Variants in DHX37 observed in about 807,000 individuals in gnomAD.
The protein encoded by DHX37 is DEAH-box helicase 37, also known as probable ATP-dependent RNA helicase DHX37.
A neutral mutation model predicts 134.3 loss-of-function variants in DHX37; 52 were observed. That is an observed-to-expected ratio of 0.39 (90% CI 0.31 to 0.49). The LOEUF (loss-of-function observed/expected upper bound fraction) is 0.49, where lower values mean the gene tolerates loss of function less well. Ranked by LOEUF, DHX37 falls within the 20% of genes least tolerant of loss-of-function variation. DHX37 has a pLI of 0.93. For missense variants in DHX37, 1,344 were observed against 1,580.8 expected (o/e 0.85, Z 2.54); for synonymous variants, 634 against 670.7 (o/e 0.95, Z 0.85).
chr12:124,952,416 C>T lies in DHX37; in HGVS notation c.2850G>A (p.Lys950=). 1 of 1,610,212 alleles carries T rather than the reference C, an allele frequency of 6.2e-7. No homozygotes were observed. Among genetic ancestry groups the T allele is most frequent in the Non-Finnish European group, 8.5e-7 (1 of 1,179,510 alleles). ...RVQSEEMLED[K]WRNAYKTPLL... is the part of the protein sequence containing the mutation. ...GCCGCACCTTGTAGGCGTTCCTCCA[C>T]TTGTCCTCCAGCATCTCCTCGCTCT... The change falls in exon 21 of 27, where the codon AAG becomes AAA. Residue 950 remains lysine (K), a synonymous_variant. Transcript: ENST00000308736.
At position 124,948,127 on chromosome 12, in the gene DHX37, G is replaced by A. The variant is rs1010234139; in HGVS notation, c.3345C>T (p.Asp1115=). 5 of 1,614,132 alleles carry A rather than the reference G, an allele frequency of 3.1e-6. No homozygotes were observed. Among genetic ancestry groups the A allele is most frequent in the South Asian group, 1.1e-5 (1 of 91,096 alleles). ...LLRALVAEKA[D]CHEALLAAWK... Reference sequence around the variant, plus strand: ...AAGCAGCCAGCAAGGCTTCATGGCAGTCAGCCTTCTCTGCAACCAGGGCTC... The same window carrying A: ...AAGCAGCCAGCAAGGCTTCATGGCAATCAGCCTTCTCTGCAACCAGGGCTC... The change falls in exon 26 of 27, where the codon GAC becomes GAT. Residue 1115 remains aspartate, a synonymous_variant. Coordinates refer to ENST00000308736, the MANE Select transcript of DHX37 (RefSeq NM_032656.4).
rs187416235 is a variant in DHX37 at position 124,960,735 on chromosome 12, C to G, written c.2046-312G>C. On this transcript the variant is annotated intron_variant, in intron 15 of 26. Transcript: ENST00000308736. Reference sequence around the variant, plus strand: ...TTGGAAGGCTGGGGTGGGTGGATCACTTGAGGTCAGGAGTTCAAGACCAGC... The same window carrying G: ...TTGGAAGGCTGGGGTGGGTGGATCAGTTGAGGTCAGGAGTTCAAGACCAGC... Among the ~76,000 whole-genome samples the G allele has an allele frequency of 2.1e-3, 318 of 152,346 alleles. 1 individual carries two copies. Among genetic ancestry groups the G allele is most frequent in the East Asian group, 1.2e-3 (6 of 5,184 alleles).
chr12:124,966,914 T>A (rs1424651303), intron 11 of DHX37, 36 bp from the exon 12 acceptor site: 1 of 1,613,292 alleles, frequency 6.2e-7, no homozygotes, highest in Non-Finnish European at 8.5e-7. Context: ...AAGGCGTCTG[T>A]GGCCGGCGTG....
Position 124,980,698 on chromosome 12 carries a change from G to A in DHX37, c.530C>T (p.Ser177Leu), listed in dbSNP as rs772470904. The change falls in exon 4 of 27, where the codon TCG becomes TTG. Residue 177 changes from serine to leucine, a missense_variant. Physicochemically the swap from Ser to Leu is moderately radical, Grantham distance 145. This residue lies in a region of DHX37 where 319 missense variants were observed against 296.1 expected (regional missense o/e 1.08). Transcript: ENST00000308736. This position sits in a 1 kb window ranked among gnomAD's most constrained non-coding sequence, Gnocchi z 5.3. Reference protein sequence around the residue: ...EESESELEEESELDEDPAAEP... With the variant: ...EESESELEEELELDEDPAAEP... ...AGCAGCTGGGTCCTCGTCCAGCTCC[G>A]ACTCCTCCTCCAGCTCCGATTCCGA... The A allele has an allele frequency of 2.2e-5, 34 of 1,574,318 alleles. No homozygotes were observed. The highest frequency in any genetic ancestry group is 7.0e-5 in the East Asian group (3 of 42,562).
intron 13 of DHX37, among the ~76,000 whole-genome samples, 162 bp downstream of exon 13, chr12:124,965,506 C>T (rs1336899294): frequency 6.6e-6 from 1 of 152,222 alleles, no homozygotes; most frequent in Non-Finnish European, 1.5e-5. Flanking sequence ...TTCAACATGG[C>T]AAATGTTTGA....
rs770672674 is a variant in DHX37 at position 124,954,096 on chromosome 12, C to T, written c.2569G>A (p.Val857Met). The change falls in exon 19 of 27, where the codon GTG (valine) becomes ATG (methionine). Residue 857 changes from valine to methionine, a missense_variant. Val to Met is a conservative substitution (Grantham distance 21, BLOSUM62 1). Coordinates refer to ENST00000308736, the MANE Select transcript of DHX37 (RefSeq NM_032656.4). ...CGGGCAGGGCACAAACCCAGCAGCA[C>T]CATGAGGTCGCCGAGCTTCAGAGAA... ...GASLKLGDLM[V>M]LLGAVGACEY... 6.2e-7 allele frequency: 1 copy of T among 1,609,366 alleles called. No homozygotes were observed. Among genetic ancestry groups the T allele is most frequent in the East Asian group, 2.2e-5 (1 of 44,824 alleles).
chr12:124,972,492 C>A lies in DHX37; in HGVS notation c.1077+11G>T, dbSNP rs181309414. ...CTGGCCTTGCTCTGTGAGCCAGGAT[C>A]CACAACCAACCTTCTGGATTTCTTT... On this transcript the variant is annotated intron_variant, in intron 7 of 26. Coordinates refer to ENST00000308736, the MANE Select transcript of DHX37 (RefSeq NM_032656.4). The A allele has an allele frequency of 6.2e-7, 1 of 1,614,074 alleles. No homozygotes were observed.
At chr12:124,964,749 C>T (rs990050983) in intron 14 of DHX37, 123 bp from the exon 15 acceptor site, 7 of 1,496,286 alleles carry the variant, frequency 4.7e-6, no homozygotes, top group East Asian at 2.4e-5. Context: ...CAAGCCATCC[C>T]ATCTGGGGCC....
chr12:124,966,975 G>C, intron 11 of DHX37, 97 bp from the exon 12 acceptor site: 1 of 1,560,184 alleles, frequency 6.4e-7, no homozygotes, highest in Non-Finnish European at 8.8e-7. Context: ...CTCAGTGGTG[G>C]CCATTTATTC....
chr12:124,947,841 G>A lies in DHX37; in HGVS notation c.3435C>T (p.Pro1145=), dbSNP rs200687807. ...TGGGGGGCCAGGCTTTCTCGATATC[G>A]GGGTGCATGGCCTGTGGAAGCCACT... ...YCEWLPQAMH[P]DIEKAWPPTT... Residue 1145 remains proline, a synonymous_variant, in exon 27 of 27, where the codon CCC becomes CCT. Transcript: ENST00000308736. 32 of 1,605,124 alleles carry A rather than the reference G, an allele frequency of 2.0e-5. No homozygotes were observed. The highest frequency in any genetic ancestry group is 3.4e-5 in the Admixed American group (2 of 59,254).
chr12:124,975,971 T>G (rs1446273991), intron 5 of DHX37, among the ~76,000 whole-genome samples: 1 of 152,196 alleles, frequency 6.6e-6, no homozygotes, highest in Non-Finnish European at 1.5e-5. Flanking sequence ...TCCCTGTAAG[T>G]GCGGGGCCCA....
intron 15 of DHX37, 106 bp from the exon 16 acceptor site, chr12:124,960,529 A>G: frequency 6.6e-7 from 1 of 1,506,596 alleles, no homozygotes; most frequent in Non-Finnish European, 8.9e-7. Flanking sequence ...AAACTCAGTC[A>G]TGCCACTGGG....
chr12:124,946,834 AG>A lies in DHX37; in HGVS notation c.*967del, dbSNP rs942132740. The A allele has an allele frequency of 2.4e-4, 37 of 152,380 alleles. No individual in the cohort carries two copies. The highest frequency in any genetic ancestry group is 8.7e-4 in the African/African-American group (36 of 41,588). The allele number at this position is 152,380 out of a possible 1,614,324, so 9.4% of individuals were successfully genotyped here. A position where few individuals can be genotyped will look rare whatever the true frequency, so the allele number is the denominator to read the frequency against. On this transcript the variant is annotated 3_prime_UTR_variant, in exon 27 of 27. Transcript: ENST00000308736. ...CATTCCACAACACAATCTGGGTGCAAGGAACATTTTATTCCATAACTGTCTC... is the reference window on the plus strand; with the variant it reads ...CATTCCACAACACAATCTGGGTGCAAGAACATTTTATTCCATAACTGTCTC...
At chr12:124,984,978 C>T (rs374204712) in intron 2 of DHX37, among the ~76,000 whole-genome samples, 4 of 152,070 alleles carry the variant, frequency 2.6e-5, no homozygotes, top group South Asian at 2.1e-4. Context: ...AAGAGACACA[C>T]GGAGGAAAGG....
At chr12:124,979,315 G>A (rs1403248802) in intron 4 of DHX37, among the ~76,000 whole-genome samples, 1 of 152,204 alleles carries the variant, frequency 6.6e-6, no homozygotes, top group Non-Finnish European at 1.5e-5. Context: ...GTTGCAGTCA[G>A]CTGAGATCAA....
chr12:124,972,377 A>T, intron 7 of DHX37, 126 bp downstream of exon 7: 1 of 935,112 alleles, frequency 1.1e-6, no homozygotes, highest in Non-Finnish European at 1.7e-6. Context: ...CCAAAGTCAC[A>T]CAGCAGCACC....
intron 18 of DHX37, among the ~76,000 whole-genome samples, chr12:124,956,319 CT>C (rs1954093007): frequency 6.6e-6 from 1 of 152,120 alleles, no homozygotes; most frequent in African/African-American, 2.4e-5. Context: ...GAAATGACCC[CT>C]TTTATCATTA....
chr12:124,980,757 G>A lies in DHX37; in HGVS notation c.471C>T (p.Pro157=). 2 of 1,557,638 alleles carry A rather than the reference G, an allele frequency of 1.3e-6. No homozygotes were observed. The highest frequency in any genetic ancestry group is 1.7e-6 in the Non-Finnish European group (2 of 1,153,232). Residue 157 remains proline, a synonymous_variant, in exon 4 of 27, where the codon CCC becomes CCT. Transcript: ENST00000308736. This position sits in a 1 kb window ranked among gnomAD's most constrained non-coding sequence, Gnocchi z 5.3. ...CCTCCTCCTCCTCCTCCTCAGCTGA[G>A]GGCCAGCGGCGACGCTTCCGGTGGG... ...SGAHRKRRRW[P]SAEEEEEEEE...
intron 1 of DHX37, among the ~76,000 whole-genome samples, chr12:124,986,920 T>C (rs1954883508): frequency 6.6e-6 from 1 of 151,892 alleles, no homozygotes. Flanking sequence ...CTAATTTTTG[T>C]ATTTTTAGTA....
Sources: allele counts gnomAD v4.1 joint callset (sites outside exome capture counted in the v4.1 genomes callset), GRCh38; gene constraint gnomAD v4.1.1; regional missense constraint gnomAD v4.1.1; non-coding constraint Gnocchi (gnomAD v3.1); transcripts MANE v1.5; gene names NCBI Gene and HGNC (gene_info 2026-07-23, HGNC 2026-07-21).